The following EML6 variants were observed in gnomAD, a reference collection of about 807,000 sequenced individuals.
EML6 encodes the protein EMAP like 6.
A neutral mutation model predicts 240.1 loss-of-function variants in EML6; 154 were observed. The ratio of observed to expected loss-of-function variants is 0.64; its 90% CI spans 0.56 to 0.73. The LOEUF (loss-of-function observed/expected upper bound fraction) is 0.73, where lower values mean the gene tolerates loss of function less well. EML6 is among the 30% of genes least tolerant of loss of function. The probability of loss-of-function intolerance (pLI) is 0.00; values close to 1 mark genes in which losing one functional copy is unlikely to be tolerated. For synonymous variants in EML6, 1,148 were observed against 899.0 expected, an observed-to-expected ratio of 1.28 and a Z score of -4.95; for missense variants, 2,964 against 2,474.6, an observed-to-expected ratio of 1.20 and a Z score of -4.20.
intron 13 of EML6, among the ~76,000 whole-genome samples, chr2:54,865,629 T>C (rs923432777): frequency 6.6e-6 from 1 of 152,256 alleles, no homozygotes; most frequent in African/African-American, 2.4e-5. Flanking sequence ...TTTTGTGTTT[T>C]GGTTTTGGAT....
chr2:54,777,738 A>C (rs1346144090), intron 2 of EML6, among the ~76,000 whole-genome samples: 1 of 152,128 alleles, frequency 6.6e-6, no homozygotes, highest in Non-Finnish European at 1.5e-5. Flanking sequence ...AGCCCTTTCC[A>C]TGGCTGGGTA....
At chr2:54,819,045 AG>A (rs1668206734) in intron 4 of EML6, among the ~76,000 whole-genome samples, 1 of 152,234 alleles carries the variant, frequency 6.6e-6, no homozygotes, top group Non-Finnish European at 1.5e-5. Flanking sequence ...CACGTAGAGA[AG>A]ATGAGGTTAA....
intron 32 of EML6, among the ~76,000 whole-genome samples, chr2:54,957,218 G>T (rs530374093): frequency 3.4e-4 from 51 of 152,146 alleles, no homozygotes; most frequent in Admixed American, 2.8e-3. Flanking sequence ...TAAGACAAAG[G>T]TTAAATAAAA....
intron 25 of EML6, among the ~76,000 whole-genome samples, chr2:54,912,398 T>C (rs540167133): frequency 6.6e-6 from 1 of 152,332 alleles, no homozygotes; most frequent in African/African-American, 2.4e-5. Flanking sequence ...TTATACACCT[T>C]TATTTTTAAT....
At chr2:54,816,036 T>G (rs925353775) in intron 3 of EML6, among the ~76,000 whole-genome samples, 1 of 152,248 alleles carries the variant, frequency 6.6e-6, no homozygotes, top group Admixed American at 6.5e-5. Flanking sequence ...CAAGGTGTTA[T>G]GTCTGGCTAC....
intron 12 of EML6, among the ~76,000 whole-genome samples, chr2:54,860,332 C>G (rs984160351): frequency 6.6e-6 from 1 of 152,150 alleles, no homozygotes; most frequent in Admixed American, 6.5e-5. Flanking sequence ...CGGTTTGATA[C>G]AAGTGCTCAA....
At position 54,964,431 on chromosome 2, in the gene EML6, G is replaced by A. The variant is rs1369696265; in HGVS notation, c.5331-140G>A. On this transcript the variant is annotated intron_variant, in intron 37 of 41. Transcript: ENST00000356458. ...AATTGTTGAATTCCGTAGAATGCCA[G>A]GAGAGGCTGACCACATGTGAGTCAC... The A allele has an allele frequency of 5.1e-6, 4 of 786,500 alleles. No individual in the cohort carries two copies. In the African/African-American group the frequency reaches 7.0e-5, roughly 14 times the overall value. The allele number at this position is 786,500 out of a possible 1,614,324, so 48.7% of individuals were successfully genotyped here. A position where few individuals can be genotyped will look rare whatever the true frequency, so the allele number is the denominator to read the frequency against.
chr2:54,858,420 A>G (rs1334362245), intron 11 of EML6, among the ~76,000 whole-genome samples: 1 of 152,360 alleles, frequency 6.6e-6, no homozygotes, highest in East Asian at 1.9e-4. Flanking sequence ...AGGTCAAGGA[A>G]GCAAAGAAGA....
At chr2:54,908,690 A>C (rs976078675) in intron 24 of EML6, among the ~76,000 whole-genome samples, 5 of 151,940 alleles carry the variant, frequency 3.3e-5, no homozygotes, top group Non-Finnish European at 7.4e-5. Flanking sequence ...GCCTTTCTCT[A>C]CTTCATCTGC....
At chr2:54,826,094 A>G (rs1668577774) in intron 5 of EML6, among the ~76,000 whole-genome samples, 2 of 152,144 alleles carry the variant, frequency 1.3e-5, no homozygotes, top group African/African-American at 2.4e-5. Context: ...TTGCCTCTGC[A>G]TTGATTCAGA....
Position 54,970,336 on chromosome 2 carries a change from T to A in EML6, c.*241T>A, listed in dbSNP as rs1389832828. 5 of 573,248 alleles carry A rather than the reference T, an allele frequency of 8.7e-6. No individual in the cohort carries two copies. Among genetic ancestry groups the A allele is most frequent in the Non-Finnish European group, 1.6e-5 (5 of 319,374 alleles). 35.5% of individuals were successfully genotyped at this position (573,248 alleles called of 1,614,324 possible). The stretch of plus-strand genomic sequence containing the variant: ...GTTAAAGACTGCTTGCCTCTGTTCC[T>A]GAGACTAAACAGTATACATACTAAC... On this transcript the variant is annotated 3_prime_UTR_variant, in exon 42 of 42. Coordinates refer to ENST00000356458, the MANE Select transcript of EML6 (RefSeq NM_001039753.4).
At chr2:54,793,507 G>A (rs1318853888) in intron 2 of EML6, among the ~76,000 whole-genome samples, 2 of 151,390 alleles carry the variant, frequency 1.3e-5, no homozygotes, top group Non-Finnish European at 2.9e-5. Flanking sequence ...TTCAAGGAAG[G>A]CAAATGGTTA....
intron 2 of EML6, among the ~76,000 whole-genome samples, chr2:54,790,770 G>A (rs765427461): frequency 7.0e-6 from 1 of 143,720 alleles, no homozygotes; most frequent in African/African-American, 2.6e-5. Flanking sequence ...CTGTCGCCCA[G>A]GCTGGAGTGC....
At chr2:54,963,781 A>G (rs1043915017) in intron 36 of EML6, among the ~76,000 whole-genome samples, 4 of 152,248 alleles carry the variant, frequency 2.6e-5, no homozygotes, top group African/African-American at 7.2e-5. Context: ...CCTGTGCCCT[A>G]AAACTTGTTG....
chr2:54,840,385 C>T (rs1156971090), intron 7 of EML6, among the ~76,000 whole-genome samples: 1 of 152,238 alleles, frequency 6.6e-6, no homozygotes, highest in African/African-American at 2.4e-5. Flanking sequence ...ATGTATATGT[C>T]TATATCTGTA....
intron 17 of EML6, among the ~76,000 whole-genome samples, chr2:54,884,460 C>T (rs970247340): frequency 5.9e-5 from 9 of 152,172 alleles, no homozygotes; most frequent in East Asian, 1.9e-4. Flanking sequence ...CTCTCCCTTC[C>T]CTGAAGGTCA....
chr2:54,829,567 TA>T (rs1668762476), intron 7 of EML6, 90 bp downstream of exon 7: 2 of 997,598 alleles, frequency 2.0e-6, no homozygotes, highest in Non-Finnish European at 1.4e-6. Context: ...TACCCCATTT[TA>T]AAAAGGCAGT....
At chr2:54,851,915 T>A (rs1006676263) in intron 10 of EML6, among the ~76,000 whole-genome samples, 3 of 152,166 alleles carry the variant, frequency 2.0e-5, no homozygotes, top group Non-Finnish European at 2.9e-5. Context: ...AACACAGATA[T>A]CCAGGGATAG....
At chr2:54,855,465 C>A (rs796516123) in intron 11 of EML6, among the ~76,000 whole-genome samples, 1 of 140,292 alleles carries the variant, frequency 7.1e-6, no homozygotes, top group Non-Finnish European at 1.5e-5. Flanking sequence ...CATGCCCCCC[C>A]CCCGCCCTCT....
Sources: gnomAD v4.1 joint callset for allele counts (sites outside exome capture counted in the v4.1 genomes callset) on GRCh38, gnomAD v4.1.1 for gene constraint, MANE v1.5 for transcripts, NCBI Gene and HGNC (gene_info 2026-07-23, HGNC 2026-07-21) for gene names.